PIEZO2: variants seen among roughly 807,000 people sequenced by gnomAD.
PIEZO2 encodes piezo type mechanosensitive ion channel component 2.
A neutral mutation model predicts 337.3 loss-of-function variants in PIEZO2; 172 were observed. The observed-to-expected ratio is 0.51, with a 90% CI of 0.45 to 0.58. PIEZO2 has a LOEUF of 0.58. Ranked by LOEUF, PIEZO2 falls within the 20% of genes least tolerant of loss-of-function variation. The pLI is 0.00. For synonymous variants in PIEZO2, 1,251 were observed against 1,228.5 expected, an observed-to-expected ratio of 1.02 and a Z score of -0.38; for missense variants, 3,028 against 3,391.3, an observed-to-expected ratio of 0.89 and a Z score of 2.66.
chr18:10,703,906 T>C (rs375537784), intron 42 of PIEZO2, among the ~76,000 whole-genome samples: 10 of 152,222 alleles, frequency 6.6e-5, no homozygotes, highest in African/African-American at 2.2e-4. Flanking sequence ...ATGAAAAGTA[T>C]GTATGATGTA....
In PIEZO2 at chr18:10,676,759, C is replaced by G. The variant is rs574519692; in HGVS notation, c.8081+988G>C. Among the ~76,000 whole-genome samples the G allele has an allele frequency of 6.6e-6, 1 of 152,314 alleles. No homozygotes were observed. The highest frequency in any genetic ancestry group is 1.9e-4 in the East Asian group (1 of 5,178). Reference sequence around the variant, plus strand: ...CACTAGTGGCTCCCTAAGAAGGAACCTTGAGCCCCACCTCTTTCCACTGAG... The same window carrying G: ...CACTAGTGGCTCCCTAAGAAGGAACGTTGAGCCCCACCTCTTTCCACTGAG... On this transcript the variant is annotated intron_variant, in intron 53 of 55. Coordinates refer to ENST00000674853, the MANE Select transcript of PIEZO2 (RefSeq NM_001378183.1). The surrounding 1 kb of genome is among the most constrained non-coding windows in gnomAD (Gnocchi z 5.1).
At chr18:10,799,830 A>G (rs1385700035) in intron 11 of PIEZO2, among the ~76,000 whole-genome samples, 2 of 148,660 alleles carry the variant, frequency 1.3e-5, no homozygotes, top group African/African-American at 2.5e-5. Context: ...AAAATTAGCC[A>G]GGCGTGGTGG....
intron 3 of PIEZO2, among the ~76,000 whole-genome samples, chr18:10,958,842 G>T (rs1236951475): frequency 6.6e-6 from 1 of 152,088 alleles, no homozygotes; most frequent in Non-Finnish European, 1.5e-5. Flanking sequence ...TGGCCACTTT[G>T]ATATAAATTG....
chr18:11,064,376 C>A (rs1375530173), intron 2 of PIEZO2, among the ~76,000 whole-genome samples: 1 of 152,132 alleles, frequency 6.6e-6, no homozygotes, highest in African/African-American at 2.4e-5. Context: ...TGTGGATTTT[C>A]CTTTCCAACT....
Position 10,886,558 on chromosome 18 carries a change from G to A in PIEZO2, c.330-15143C>T, listed in dbSNP as rs968850896. Among the ~76,000 whole-genome samples the A allele has an allele frequency of 7.2e-5, 8 of 111,564 alleles. No individual in the cohort carries two copies. The Admixed American group carries it at 7.7e-4, about 11-fold the overall frequency. 73.2% of individuals were successfully genotyped at this position (111,564 alleles called of 152,430 possible). The stretch of plus-strand genomic sequence containing the variant: ...CTATACATATATGCCTATGATACAG[G>A]TTAATTTATAAATTAGGCACAGTGA... On this transcript the variant is annotated intron_variant, in intron 4 of 55. Coordinates refer to ENST00000674853, the MANE Select transcript of PIEZO2 (RefSeq NM_001378183.1).
At position 11,133,259 on chromosome 18, in the gene PIEZO2, T is replaced by C. The variant is rs1354464190; in HGVS notation, c.64+15266A>G. 2.0e-5 allele frequency among the ~76,000 whole-genome samples: 3 copies of C among 152,300 alleles called. No individual in the cohort carries two copies. The East Asian group carries it at 5.8e-4, about 29-fold the overall frequency. On this transcript the variant is annotated intron_variant, in intron 1 of 55. Coordinates refer to ENST00000674853, the MANE Select transcript of PIEZO2 (RefSeq NM_001378183.1). ...TTTAAGTATTGTTAACTTTATGTAA[T>C]AGTATTTGGGTTGGGGATTGGCACG... is the stretch of plus-strand genomic sequence containing the variant.
chr18:11,041,560 G>A (rs969499153), intron 2 of PIEZO2, among the ~76,000 whole-genome samples: 2 of 152,114 alleles, frequency 1.3e-5, no homozygotes, highest in African/African-American at 4.8e-5. Context: ...GGAACTGAAG[G>A]ACATCATGAT....
At position 10,809,682 on chromosome 18, in the gene PIEZO2, G is replaced by A. The variant is rs2040125239; in HGVS notation, c.918-2408C>T. On this transcript the variant is annotated intron_variant, in intron 7 of 55. Transcript: ENST00000674853. Reference sequence around the variant, plus strand: ...ATCCTTTCTGGCACTGCAATTCTAGGATACTACACAGCATCCAACAATTAT... The same window carrying A: ...ATCCTTTCTGGCACTGCAATTCTAGAATACTACACAGCATCCAACAATTAT... Among the ~76,000 whole-genome samples, 7 of 151,922 alleles carry A rather than the reference G, an allele frequency of 4.6e-5. No individual in the cohort carries two copies. The South Asian group carries it at 1.5e-3, about 32-fold the overall frequency.
chr18:10,720,439 A>G (rs12455620), intron 36 of PIEZO2, among the ~76,000 whole-genome samples: 36 of 11,416 alleles, frequency 3.2e-3, no homozygotes, highest in Middle Eastern at 0.05. Context: ...ATATATATAT[A>G]TATATATATA....
In PIEZO2 at chr18:10,783,912, C is replaced by A. The variant is rs868152407; in HGVS notation, c.2492+872G>T. ...ACGAAATGCATATCATGAACTCCTA[C>A]TTCATCTTCTATTGATACCTGCATT... is the stretch of plus-strand genomic sequence containing the variant. On this transcript the variant is annotated intron_variant, in intron 17 of 55. Coordinates refer to ENST00000674853, the MANE Select transcript of PIEZO2 (RefSeq NM_001378183.1). This position sits in a 1 kb window ranked among gnomAD's most constrained non-coding sequence, Gnocchi z 4.3. Among the ~76,000 whole-genome samples, 7 of 152,310 alleles carry A rather than the reference C, an allele frequency of 4.6e-5. 1 individual carries two copies. The Middle Eastern group carries it at 0.01, about 222-fold the overall frequency.
intron 36 of PIEZO2, among the ~76,000 whole-genome samples, chr18:10,730,918 G>T (rs2036743983): frequency 6.6e-6 from 1 of 151,934 alleles, no homozygotes; most frequent in African/African-American, 2.4e-5. Context: ...AGTAGACACG[G>T]GGTTTCACCG....
At chr18:11,142,771 A>T (rs1430299411) in intron 1 of PIEZO2, among the ~76,000 whole-genome samples, 1 of 99,836 alleles carries the variant, frequency 1.0e-5, no homozygotes, top group African/African-American at 4.1e-5. Flanking sequence ...TCAGAGTGAG[A>T]TTATCGCAAA....
At position 10,689,793 on chromosome 18, in the gene PIEZO2, G is replaced by A. The variant is rs746390950; in HGVS notation, c.7359C>T (p.Leu2453=). 28 of 1,609,166 alleles carry A rather than the reference G, an allele frequency of 1.7e-5. No individual in the cohort carries two copies. Among genetic ancestry groups the A allele is most frequent in the Middle Eastern group, 3.3e-4 (2 of 6,052 alleles). The change falls in exon 49 of 56, where the codon CTC becomes CTT. Residue 2453 remains leucine (L), a synonymous_variant. Coordinates refer to ENST00000674853, the MANE Select transcript of PIEZO2 (RefSeq NM_001378183.1). Reference sequence around the variant, plus strand: ...CCCTCAGCTCAGTCAAAAAGGGCACGAGGCGAAACCTGGCAGGAAACACAT... The same window carrying A: ...CCCTCAGCTCAGTCAAAAAGGGCACAAGGCGAAACCTGGCAGGAAACACAT... ...VNLFLFQGFR[L]VPFLTELRAV...
rs34887184 is a variant in PIEZO2 at position 10,901,430 on chromosome 18, GCACACACA to G, written c.329+9748_329+9755del. Among the ~76,000 whole-genome samples the G allele has an allele frequency of 5.2e-3, 772 of 147,986 alleles. 6 individuals carry two copies. The highest frequency in any genetic ancestry group is 0.016 in the African/African-American group (661 of 40,438). On this transcript the variant is annotated intron_variant, in intron 4 of 55. Coordinates refer to ENST00000674853, the MANE Select transcript of PIEZO2 (RefSeq NM_001378183.1). ...CCTACTTCTATTCACACACACACAC[GCACACACA>G]CACACACACACACACACACACTGCA...
Position 10,830,857 on chromosome 18 carries a change from A to G in PIEZO2, c.918-23583T>C, listed in dbSNP as rs7228574. Among the ~76,000 whole-genome samples the G allele has an allele frequency of 0.03, 4,505 of 152,314 alleles. 146 individuals are homozygous for G. The highest frequency in any genetic ancestry group is 0.084 in the African/African-American group (3,498 of 41,562). On this transcript the variant is annotated intron_variant, in intron 7 of 55. Coordinates refer to ENST00000674853, the MANE Select transcript of PIEZO2 (RefSeq NM_001378183.1). The surrounding 1 kb of genome is among the most constrained non-coding windows in gnomAD (Gnocchi z 4.7). The stretch of plus-strand genomic sequence containing the variant: ...GGAAAAAAAATCTAATAATCTGGTT[A>G]AAAATTTGGTCAAGATCTGAATAGA...
At chr18:11,106,581 T>G (rs528405219) in intron 1 of PIEZO2, among the ~76,000 whole-genome samples, 2 of 151,868 alleles carry the variant, frequency 1.3e-5, no homozygotes, top group Non-Finnish European at 2.9e-5. Context: ...GGATATTTTG[T>G]TTTTTAATTT....
chr18:10,723,256 C>T (rs1213690178), intron 36 of PIEZO2, among the ~76,000 whole-genome samples: 1 of 152,072 alleles, frequency 6.6e-6, no homozygotes, highest in Non-Finnish European at 1.5e-5. Context: ...CGTGAGCCAC[C>T]GCGCCTGGCC....
At chr18:11,057,999 G>A (rs1270586410) in intron 2 of PIEZO2, among the ~76,000 whole-genome samples, 4 of 152,220 alleles carry the variant, frequency 2.6e-5, no homozygotes, top group Non-Finnish European at 4.4e-5. Flanking sequence ...TGACGGCACT[G>A]AGAGCAAAAC....
intron 37 of PIEZO2, among the ~76,000 whole-genome samples, chr18:10,717,036 T>C (rs1288382283): frequency 6.6e-6 from 1 of 152,048 alleles, no homozygotes; most frequent in Admixed American, 6.6e-5. Context: ...GGCACAGTGG[T>C]TAAGAGCACA....
Sources: allele counts gnomAD v4.1 joint callset (sites outside exome capture counted in the v4.1 genomes callset), GRCh38; gene constraint gnomAD v4.1.1; non-coding constraint Gnocchi (gnomAD v3.1); transcripts MANE v1.5; gene names NCBI Gene and HGNC (gene_info 2026-07-23, HGNC 2026-07-21).